The following CARD14 variants were observed in gnomAD, a reference collection of about 807,000 sequenced individuals.
CARD14 encodes caspase recruitment domain family member 14, also known as caspase recruitment domain-containing protein 14.
A neutral mutation model predicts 111.5 loss-of-function variants in CARD14; 107 were observed. That is an observed-to-expected ratio of 0.96 (90% CI 0.82 to 1.13). CARD14 has a LOEUF of 1.13. CARD14 is among the 50% of genes most tolerant of loss of function. CARD14 has a pLI of 0.00. For missense variants in CARD14, 1,322 were observed against 1,362.3 expected (o/e 0.97, Z 0.47); for synonymous variants, 617 against 579.6 (o/e 1.06, Z -0.93).
At chr17:80,193,088 C>A (rs2040579824) in intron 12 of CARD14, among the ~76,000 whole-genome samples, 1 of 152,174 alleles carries the variant, frequency 6.6e-6, no homozygotes, top group South Asian at 2.1e-4. Context: ...TTGATTCTGT[C>A]ACAGTCCTGG....
At position 80,195,892 on chromosome 17, in the gene CARD14, A is replaced by G; in HGVS notation, c.1594+240A>G. ...CTGGTGTCCTTGTGTTTTTCCCTAG[A>G]GCCAGGGGAGTTGTGTCTGATCCAC... is the stretch of plus-strand genomic sequence containing the variant. On this transcript the variant is annotated intron_variant, in intron 14 of 23. Coordinates refer to ENST00000648509, the MANE Select transcript of CARD14 (RefSeq NM_001366385.1). The surrounding 1 kb of genome is among the most constrained non-coding windows in gnomAD (Gnocchi z 4.7). The G allele has an allele frequency of 1.9e-6, 1 of 520,838 alleles. No homozygotes were observed. The highest frequency in any genetic ancestry group is 3.4e-6 in the Non-Finnish European group (1 of 291,454). The allele number at this position is 520,838 out of a possible 1,614,324, so 32.3% of individuals were successfully genotyped here.
chr17:80,198,524 T>C lies in CARD14; in HGVS notation c.1784T>C (p.Ile595Thr), dbSNP rs1366155712. The change falls in exon 16 of 24, where the codon ATC becomes ACC. Residue 595 changes from isoleucine (I) to threonine (T), a missense_variant. Physicochemically the swap from Ile to Thr is moderately conservative, Grantham distance 89. Coordinates refer to ENST00000648509, the MANE Select transcript of CARD14 (RefSeq NM_001366385.1). The surrounding 1 kb of genome is among the most constrained non-coding windows in gnomAD (Gnocchi z 7.5). ...GGCGGGAACCTCACGGGCATCTTCATCCACCGGGTCACCCCGGGCTCGGCG... is the reference window on the plus strand; with the variant it reads ...GGCGGGAACCTCACGGGCATCTTCACCCACCGGGTCACCCCGGGCTCGGCG... ...VIGGNLTGIF[I>T]HRVTPGSAAD... is the part of the protein sequence containing the mutation. The C allele has an allele frequency of 6.2e-7, 1 of 1,613,254 alleles. No individual in the cohort carries two copies. Among genetic ancestry groups the C allele is most frequent in the South Asian group, 1.1e-5 (1 of 91,078 alleles).
Position 80,195,190 on chromosome 17 carries a change from G to A in CARD14, c.1357-1G>A, listed in dbSNP as rs112639680. On this transcript the variant is annotated splice_acceptor_variant, in intron 12 of 23. Coordinates refer to ENST00000648509, the MANE Select transcript of CARD14 (RefSeq NM_001366385.1). LOFTEE classifies it high-confidence loss of function. The surrounding 1 kb of genome is among the most constrained non-coding windows in gnomAD (Gnocchi z 4.7). Reference sequence around the variant, plus strand: ...ACTGACTTCTGCCCTCCCTCCTCCAGTCTCAGCTCTTGTCGGACCTGAGTG... The same window carrying A: ...ACTGACTTCTGCCCTCCCTCCTCCAATCTCAGCTCTTGTCGGACCTGAGTG... 6 of 1,600,640 alleles carry A rather than the reference G, an allele frequency of 3.7e-6. No homozygotes were observed. In the African/African-American group the frequency reaches 6.7e-5, roughly 18 times the overall value.
intron 9 of CARD14, among the ~76,000 whole-genome samples, chr17:80,190,559 G>A (rs915869183): frequency 2.0e-5 from 3 of 151,340 alleles, no homozygotes; most frequent in African/African-American, 7.3e-5. Flanking sequence ...GTTGCAGCGA[G>A]CCGAGATTGC....
In CARD14 at chr17:80,202,640, ATCTGGGTTTCTTAGC is replaced by A. The variant is rs1220440053; in HGVS notation, c.2219+237_2219+251del. 84 of 1,393,162 alleles carry A rather than the reference ATCTGGGTTTCTTAGC, an allele frequency of 6.0e-5. No homozygotes were observed. In the South Asian group the frequency reaches 8.2e-4, roughly 14 times the overall value. The allele number at this position is 1,393,162 out of a possible 1,614,324, so 86.3% of individuals were successfully genotyped here. On this transcript the variant is annotated intron_variant, in intron 18 of 23. Transcript: ENST00000648509. ...AAATGTTCATTCTAGAACATTCTAG[ATCTGGGTTTCTTAGC>A]TCTGGGTTTCTTAGCTTTGGTACCA...
At chr17:80,176,832 G>A (rs752702284) in intron 2 of CARD14, among the ~76,000 whole-genome samples, 4 of 152,192 alleles carry the variant, frequency 2.6e-5, no homozygotes, top group African/African-American at 7.2e-5. Context: ...AGACTCTAGC[G>A]ACGCAGGCTT....
At chr17:80,176,096 A>G (rs1164601929) in intron 2 of CARD14, among the ~76,000 whole-genome samples, 1 of 145,478 alleles carries the variant, frequency 6.9e-6, no homozygotes, top group African/African-American at 2.5e-5. Flanking sequence ...CACTGCACCA[A>G]GCCTGGATCT....
chr17:80,206,792 AAAAG>A (rs2144602494), intron 22 of CARD14, 174 bp from the exon 23 acceptor site: 2 of 417,542 alleles, frequency 4.8e-6, no homozygotes, highest in Non-Finnish European at 8.5e-6. Context: ...AAAAATAAAA[AAAAG>A]AGAGAAGAAA....
At chr17:80,200,433 C>T (rs2040913757) in intron 16 of CARD14, among the ~76,000 whole-genome samples, 1 of 151,910 alleles carries the variant, frequency 6.6e-6, no homozygotes, top group African/African-American at 2.4e-5. Context: ...GACAGGGCTT[C>T]ACCATGTTGG....
At position 80,205,570 on chromosome 17, in the gene CARD14, G is replaced by C. The variant is rs2041254628; in HGVS notation, c.2609G>C (p.Arg870Thr). ...GAGGAGTATGAGGCCTGGAGCCAGA[G>C]AGGGGACATCATCCAGGAGGGAGAG... ...SQEEYEAWSQ[R>T]GDIIQEGEVS... The change falls in exon 22 of 24, where the codon AGA becomes ACA. Residue 870 changes from arginine to threonine, a missense_variant. Arg to Thr is a moderately conservative substitution (Grantham distance 71). Coordinates refer to ENST00000648509, the MANE Select transcript of CARD14 (RefSeq NM_001366385.1). 6.3e-7 allele frequency: 1 copy of C among 1,581,584 alleles called. No homozygotes were observed. Among genetic ancestry groups the C allele is most frequent in the Non-Finnish European group, 8.6e-7 (1 of 1,163,242 alleles).
intron 18 of CARD14, 60 bp downstream of exon 18, chr17:80,202,480 AGCCTG>A: frequency 1.3e-6 from 2 of 1,576,190 alleles, no homozygotes; most frequent in Admixed American, 3.4e-5. Flanking sequence ...AATGGCACCC[AGCCTG>A]CCTCGGCTTC....
At chr17:80,192,230 T>G in intron 11 of CARD14, 1 of 333,666 alleles carries the variant, frequency 3.0e-6, no homozygotes, top group Non-Finnish European at 5.6e-6. Context: ...GTGTGTGTAT[T>G]ATACATTATT....
intron 18 of CARD14, chr17:80,202,730 T>A (rs751461373): frequency 1.1e-4 from 72 of 671,956 alleles, no homozygotes; most frequent in Middle Eastern, 5.4e-4. Flanking sequence ...TCCTGGGCAC[T>A]GCAGGATATA....
chr17:80,174,771 G>T (rs560202329), intron 2 of CARD14, among the ~76,000 whole-genome samples: 101 of 152,200 alleles, frequency 6.6e-4, no homozygotes, highest in African/African-American at 2.4e-3. Context: ...TCCTGCTGAG[G>T]ACTCCCAGGG....
chr17:80,190,646 T>C, intron 9 of CARD14, 128 bp from the exon 10 acceptor site: 1 of 911,466 alleles, frequency 1.1e-6, no homozygotes. Flanking sequence ...GAGAGACGAG[T>C]GAGAATTGAC....
chr17:80,202,395 C>T lies in CARD14; in HGVS notation c.2194C>T (p.His732Tyr), dbSNP rs560027976. Residue 732 changes from histidine to tyrosine, a missense_variant, in exon 18 of 24, where the codon CAC becomes TAC. Transcript: ENST00000648509. ...TTACACCATGAAGGATACTGCCGCG[C>T]ACGGCACCATCCCCAACTACTCCAG... ...NSYTMKDTAA[H>Y]GTIPNYSRAQ... 17 of 1,612,914 alleles carry T rather than the reference C, an allele frequency of 1.1e-5. No individual in the cohort carries two copies. The South Asian group carries it at 1.9e-4, about 18-fold the overall frequency.
intron 23 of CARD14, chr17:80,207,727 T>G: frequency 5.3e-6 from 1 of 189,200 alleles, no homozygotes; most frequent in Non-Finnish European, 1.1e-5. Context: ...AAGTTGTAAA[T>G]TAACAAATTG....
rs541807856 is a variant in CARD14 at position 80,200,322 on chromosome 17, C to T, written c.1852-1422C>T. Among the ~76,000 whole-genome samples, 4 of 150,256 alleles carry T rather than the reference C, an allele frequency of 2.7e-5. No homozygotes were observed. In the South Asian group the frequency reaches 8.5e-4, roughly 32 times the overall value. On this transcript the variant is annotated intron_variant, in intron 16 of 23. Transcript: ENST00000648509. The stretch of plus-strand genomic sequence containing the variant: ...CTCGATCTTGGCCCACTGCAACCTC[C>T]ACCCCCTGGGTTCAAGCGATTCTCT...
At chr17:80,178,969 C>T (rs1179628845) in intron 3 of CARD14, 135 bp from the exon 4 acceptor site, 1 of 152,284 alleles carries the variant, frequency 6.6e-6, no homozygotes, top group Non-Finnish European at 1.5e-5. Context: ...TAGTCTCAAA[C>T]TCCTGACCTC....
Sources: allele counts gnomAD v4.1 joint callset (sites outside exome capture counted in the v4.1 genomes callset), GRCh38; gene constraint gnomAD v4.1.1; non-coding constraint Gnocchi (gnomAD v3.1); transcripts MANE v1.5; gene names NCBI Gene and HGNC (gene_info 2026-07-23, HGNC 2026-07-21).